Variants in ZNF385D observed in about 807,000 individuals in gnomAD.
ZNF385D encodes zinc finger protein 385D, also known as zinc finger protein 659.
In ZNF385D, 15 loss-of-function variants were observed where a neutral mutation model predicts 35.8. The ratio of observed to expected loss-of-function variants is 0.42; its 90% confidence interval spans 0.28 to 0.64. ZNF385D has a LOEUF of 0.64. Ranked by LOEUF, ZNF385D falls within the 30% of genes least tolerant of loss-of-function variation. ZNF385D has a pLI of 0.23. For missense variants in ZNF385D, 474 were observed against 494.6 expected (o/e 0.96, Z 0.39); for synonymous variants, 212 against 186.8 (o/e 1.13, Z -1.10).
chr3:21,495,643 G>A (rs1459528540), intron 4 of ZNF385D, among the ~76,000 whole-genome samples: 1 of 151,988 alleles, frequency 6.6e-6, no homozygotes, highest in Non-Finnish European at 1.5e-5. Context: ...AGAGAAACTG[G>A]AGAAACAAGA....
intron 4 of ZNF385D, among the ~76,000 whole-genome samples, chr3:21,450,605 A>G (rs1318930464): frequency 6.6e-6 from 1 of 152,190 alleles, no homozygotes; most frequent in Admixed American, 6.6e-5. Context: ...GCTCATCAAG[A>G]CAACCCTGGA....
intron 2 of ZNF385D, among the ~76,000 whole-genome samples, chr3:21,569,430 T>A (rs201505790): frequency 9.6e-4 from 138 of 143,836 alleles, no homozygotes; most frequent in African/African-American, 1.9e-3. Context: ...TCTTCCTCCA[T>A]GCTTTTATTT....
At chr3:22,269,064 T>G (rs1701042127) in intron 2 of ZNF385D, among the ~76,000 whole-genome samples, 1 of 151,924 alleles carries the variant, frequency 6.6e-6, no homozygotes, top group African/African-American at 2.4e-5. Context: ...TTTTCCAGCT[T>G]CTTCTTGTCA....
chr3:21,542,508 C>T (rs9847127), intron 3 of ZNF385D, among the ~76,000 whole-genome samples: 92,627 of 151,754 alleles, frequency 0.61, 28,518 homozygotes, highest in East Asian at 0.8. Context: ...CCACCATGCC[C>T]GGCTAATTTT....
rs548097788 is a variant in ZNF385D, at chr3:22,068,546, G to A, written c.325+100271C>T. ...AAACTTTTTATTATATTCTTTTGAGGATTTCTCCTAGCAGTTGGATCTGCC... is the reference window on the plus strand; with the variant it reads ...AAACTTTTTATTATATTCTTTTGAGAATTTCTCCTAGCAGTTGGATCTGCC... On this transcript the variant is annotated intron_variant, in intron 3 of 5. Transcript: ENST00000494108. Among the ~76,000 whole-genome samples, 155 of 152,008 alleles carry A rather than the reference G, an allele frequency of 1.0e-3. 1 individual carries two copies. Among genetic ancestry groups the A allele is most frequent in the African/African-American group, 3.6e-3 (148 of 41,428 alleles).
At chr3:22,281,284 T>C (rs1004011173) in intron 2 of ZNF385D, among the ~76,000 whole-genome samples, 11 of 152,114 alleles carry the variant, frequency 7.2e-5, no homozygotes, top group East Asian at 3.9e-4. Flanking sequence ...TGAATAGAAG[T>C]GATGAAAGTG....
At chr3:21,614,014 T>C (rs547391479) in intron 2 of ZNF385D, among the ~76,000 whole-genome samples, 1 of 152,354 alleles carries the variant, frequency 6.6e-6, no homozygotes, top group East Asian at 1.9e-4. Flanking sequence ...CATTTATGTG[T>C]GGTCCCCCAA....
chr3:21,757,404 A>G (rs1022778695), intron 3 of ZNF385D, among the ~76,000 whole-genome samples: 1 of 152,060 alleles, frequency 6.6e-6, no homozygotes, highest in Non-Finnish European at 1.5e-5. Flanking sequence ...TGGCCTCCCA[A>G]AGTGCTGGGA....
intron 3 of ZNF385D, among the ~76,000 whole-genome samples, chr3:21,546,957 A>G (rs1235785383): frequency 6.6e-6 from 1 of 152,144 alleles, no homozygotes; most frequent in Admixed American, 6.5e-5. Context: ...TCTCTGCCCT[A>G]CATACCCTGG....
At chr3:21,979,032 T>G (rs1044494852) in intron 3 of ZNF385D, among the ~76,000 whole-genome samples, 2 of 152,224 alleles carry the variant, frequency 1.3e-5, no homozygotes, top group African/African-American at 4.8e-5. Context: ...TCCAAAAGCC[T>G]GCTCAATGGA....
At chr3:22,335,399 T>C (rs1351342749) in intron 2 of ZNF385D, among the ~76,000 whole-genome samples, 1 of 152,190 alleles carries the variant, frequency 6.6e-6, no homozygotes, top group African/African-American at 2.4e-5. Flanking sequence ...ATTAAAGCAT[T>C]AGATGTGGTC....
At chr3:21,963,227 T>A (rs1350231346) in intron 3 of ZNF385D, among the ~76,000 whole-genome samples, 1 of 152,200 alleles carries the variant, frequency 6.6e-6, no homozygotes, top group Non-Finnish European at 1.5e-5. Context: ...TGGGAGAAGT[T>A]TATCACCTGT....
intron 3 of ZNF385D, among the ~76,000 whole-genome samples, chr3:21,916,755 C>T (rs259537): frequency 0.28 from 42,849 of 152,070 alleles, 7,068 homozygotes; most frequent in Admixed American, 0.43. Context: ...GATATTTGGG[C>T]TATTTTTAAA....
chr3:21,664,136 G>C (rs1451576278), intron 2 of ZNF385D, among the ~76,000 whole-genome samples: 1 of 148,430 alleles, frequency 6.7e-6, no homozygotes, highest in Non-Finnish European at 1.5e-5. Flanking sequence ...TCACTTACTC[G>C]TTTCTAACCT....
intron 3 of ZNF385D, among the ~76,000 whole-genome samples, chr3:22,122,895 G>A (rs1703171306): frequency 6.6e-6 from 1 of 152,180 alleles, no homozygotes; most frequent in African/African-American, 2.4e-5. Flanking sequence ...AAAGCAGTAT[G>A]GGTGAACGCC....
At chr3:21,899,606 C>T (rs912764655) in intron 3 of ZNF385D, among the ~76,000 whole-genome samples, 4 of 152,116 alleles carry the variant, frequency 2.6e-5, no homozygotes, top group Admixed American at 1.3e-4. Context: ...TGTGAATAAA[C>T]ATTTATCAGT....
intron 3 of ZNF385D, among the ~76,000 whole-genome samples, chr3:21,527,261 A>G (rs1307353399): frequency 2.0e-5 from 3 of 152,164 alleles, no homozygotes; most frequent in Non-Finnish European, 4.4e-5. Context: ...TACAGTAACC[A>G]CTGTCTTCAA....
chr3:22,170,668 T>C (rs559132032), intron 2 of ZNF385D, among the ~76,000 whole-genome samples: 2 of 152,300 alleles, frequency 1.3e-5, no homozygotes, highest in African/African-American at 4.8e-5. Context: ...GTAAAATGAT[T>C]AATTTTAATC....
intron 3 of ZNF385D, among the ~76,000 whole-genome samples, chr3:21,836,313 G>C (rs898037230): frequency 6.6e-6 from 1 of 151,988 alleles, no homozygotes; most frequent in South Asian, 2.1e-4. Context: ...CACTTACTCT[G>C]ATCTACTGTT....
Sources: allele counts gnomAD v4.1 joint callset (sites outside exome capture counted in the v4.1 genomes callset), GRCh38; gene constraint gnomAD v4.1.1; transcripts MANE v1.5; gene names NCBI Gene and HGNC (gene_info 2026-07-23, HGNC 2026-07-21).